PTPN11: variants seen among roughly 807,000 people sequenced by gnomAD.
PTPN11 encodes the protein protein tyrosine phosphatase non-receptor type 11, also known as tyrosine-protein phosphatase non-receptor type 11.
In PTPN11, 6 loss-of-function variants were observed where a neutral mutation model predicts 78.8. The observed-to-expected ratio is 0.08, with a 90% CI of 0.04 to 0.15. The LOEUF (loss-of-function observed/expected upper bound fraction) is 0.15. PTPN11 is among the 10% of genes least tolerant of loss of function. The pLI, the probability that PTPN11 is intolerant of heterozygous loss-of-function variation, is 1.00. For synonymous variants in PTPN11, 221 were observed against 263.5 expected, an observed-to-expected ratio of 0.84 and a Z score of 1.56; for missense variants, 386 against 744.8, an observed-to-expected ratio of 0.52 and a Z score of 5.61.
In PTPN11 at chr12:112,442,833, TA is replaced by T. The variant is rs1566162563; in HGVS notation, c.15-3442del. On this transcript the variant is annotated intron_variant, in intron 1 of 15. Coordinates refer to ENST00000351677, the MANE Select transcript of PTPN11 (RefSeq NM_002834.5). ...TCTCCTCTCTCTCTCTCTCTTTTTA[TA>T]TATATATATATATATATATATATAT... 1.7e-3 allele frequency among the ~76,000 whole-genome samples: 29 copies of T among 17,004 alleles called. No individual in the cohort carries two copies. In the African/African-American group the frequency reaches 0.017, roughly 10 times the overall value. The allele number at this position is 17,004 out of a possible 152,430, so 11.2% of individuals were successfully genotyped here. A position where few individuals can be genotyped will look rare whatever the true frequency, so the allele number is the denominator to read the frequency against.
intron 2 of PTPN11, among the ~76,000 whole-genome samples, chr12:112,448,880 T>TAAAA: frequency 6.6e-6 from 1 of 152,150 alleles, no homozygotes; most frequent in South Asian, 2.1e-4. Context: ...CATGTGTCTT[T>TAAAA]TTATTTTTAT....
At chr12:112,425,010 A>AATTGTGTGTGTG (rs2037593529) in intron 1 of PTPN11, among the ~76,000 whole-genome samples, 1 of 76,914 alleles carries the variant, frequency 1.3e-5, no homozygotes, top group African/African-American at 5.4e-5. Context: ...GTGTGTGTGT[A>AATTGTGTGTGTG]TGTAGAGATG....
intron 1 of PTPN11, among the ~76,000 whole-genome samples, chr12:112,425,575 G>A (rs1171383647): frequency 6.6e-6 from 1 of 152,172 alleles, no homozygotes; most frequent in Non-Finnish European, 1.5e-5. Context: ...GGTTACAAGT[G>A]CAGTTTTATT....
At chr12:112,453,646 G>GTTTTTTTTTT (rs376601242) in intron 4 of PTPN11, among the ~76,000 whole-genome samples, 1 of 116,574 alleles carries the variant, frequency 8.6e-6, no homozygotes, top group Non-Finnish European at 1.9e-5. Flanking sequence ...CAGATTTTCT[G>GTTTTTTTTTT]TTTTTTTTTT....
rs2038614646 is a variant in PTPN11 at position 112,482,640 on chromosome 12, C to A, written c.1224+435C>A. Among the ~76,000 whole-genome samples the A allele has an allele frequency of 6.6e-6, 1 of 152,142 alleles. No individual in the cohort carries two copies. The highest frequency in any genetic ancestry group is 2.1e-4 in the South Asian group (1 of 4,832). The stretch of plus-strand genomic sequence containing the variant: ...GTTGATGGCCTCCTCTCCAAGTATC[C>A]ACAGACTTCAGCAGTTGTTCTTTTT... On this transcript the variant is annotated intron_variant, in intron 10 of 15. Coordinates refer to ENST00000351677, the MANE Select transcript of PTPN11 (RefSeq NM_002834.5). The surrounding 1 kb of genome is among the most constrained non-coding windows in gnomAD (Gnocchi z 4.4).
intron 12 of PTPN11, 31 bp from the exon 13 acceptor site, chr12:112,488,993 C>T (rs2135915925): frequency 6.2e-7 from 1 of 1,612,156 alleles, no homozygotes; most frequent in African/African-American, 1.3e-5. Context: ...TCTGCAGTTT[C>T]TCTTTATTCT....
chr12:112,420,224 C>T (rs1393613643), intron 1 of PTPN11, among the ~76,000 whole-genome samples: 1 of 152,188 alleles, frequency 6.6e-6, no homozygotes, highest in East Asian at 1.9e-4. Context: ...ACTCTATATA[C>T]CACTCACACT....
chr12:112,449,271 G>A (rs2038042765), intron 2 of PTPN11, among the ~76,000 whole-genome samples: 1 of 151,440 alleles, frequency 6.6e-6, no homozygotes, highest in Non-Finnish European at 1.5e-5. Context: ...GGGAGGCCAA[G>A]GCAGGCGGCG....
chr12:112,433,104 G>C (rs1053273591), intron 1 of PTPN11, among the ~76,000 whole-genome samples: 1 of 151,998 alleles, frequency 6.6e-6, no homozygotes, highest in Non-Finnish European at 1.5e-5. Flanking sequence ...CAAGTGATCC[G>C]CCTGCCTCAG....
At chr12:112,485,523 GAA>G (rs1341275894) in intron 10 of PTPN11, among the ~76,000 whole-genome samples, 4 of 152,176 alleles carry the variant, frequency 2.6e-5, no homozygotes, top group African/African-American at 4.8e-5. Context: ...ATGATAGAGA[GAA>G]AGAGATTATT....
intron 3 of PTPN11, among the ~76,000 whole-genome samples, chr12:112,451,705 A>G (rs1213417055): frequency 2.0e-5 from 3 of 152,238 alleles, no homozygotes; most frequent in African/African-American, 4.8e-5. Context: ...CACCCAGGAT[A>G]TAGTCCAAAG....
At chr12:112,470,145 C>T (rs2038392834) in intron 6 of PTPN11, among the ~76,000 whole-genome samples, 1 of 152,112 alleles carries the variant, frequency 6.6e-6, no homozygotes, top group Non-Finnish European at 1.5e-5. Flanking sequence ...TGGTCTTGAC[C>T]TCCTGTCCTC....
In PTPN11 at chr12:112,418,976, G is replaced by T; in HGVS notation, c.-136G>T. On this transcript the variant is annotated 5_prime_UTR_variant, in exon 1 of 16. Transcript: ENST00000351677. Reference sequence around the variant, plus strand: ...TCCGGGATCCCCAGGCCTGGAGGGGGGTCTGTGCGCGGCCGGCTGGCTCTG... The same window carrying T: ...TCCGGGATCCCCAGGCCTGGAGGGGTGTCTGTGCGCGGCCGGCTGGCTCTG... The T allele has an allele frequency of 1.9e-6, 2 of 1,064,968 alleles. No homozygotes were observed. The highest frequency in any genetic ancestry group is 2.7e-6 in the Non-Finnish European group (2 of 729,090). 66.0% of individuals were successfully genotyped at this position (1,064,968 alleles called of 1,614,324 possible). A position where few individuals can be genotyped will look rare whatever the true frequency, so the allele number is the denominator to read the frequency against.
rs980779347 is a variant in PTPN11 at position 112,506,430 on chromosome 12, G to A, written c.*638G>A. ...GGATATTTATGAATTAAGGTAAGAG[G>A]TGTGGCTTTTTTTTTTTTCTTTTTT... On this transcript the variant is annotated 3_prime_UTR_variant, in exon 16 of 16. Coordinates refer to ENST00000351677, the MANE Select transcript of PTPN11 (RefSeq NM_002834.5). 1 of 151,578 alleles carries A rather than the reference G, an allele frequency of 6.6e-6. No individual in the cohort carries two copies. The highest frequency in any genetic ancestry group is 2.4e-5 in the African/African-American group (1 of 41,314). 9.4% of individuals were successfully genotyped at this position (151,578 alleles called of 1,614,324 possible).
At chr12:112,489,284 C>A in intron 13 of PTPN11, 109 bp downstream of exon 13, 1 of 1,338,736 alleles carries the variant, frequency 7.5e-7, no homozygotes, top group Non-Finnish European at 1.1e-6. Context: ...TGTTTGATTT[C>A]GGAATGGGAA....
In PTPN11 at chr12:112,507,477, C is replaced by G. The variant is rs1046226446; in HGVS notation, c.*1685C>G. 1.3e-5 allele frequency: 2 copies of G among 152,792 alleles called. No homozygotes were observed. Among genetic ancestry groups the G allele is most frequent in the African/African-American group, 4.8e-5 (2 of 41,468 alleles). The allele number at this position is 152,792 out of a possible 1,614,324, so 9.5% of individuals were successfully genotyped here. A position where few individuals can be genotyped will look rare whatever the true frequency, so the allele number is the denominator to read the frequency against. On this transcript the variant is annotated 3_prime_UTR_variant, in exon 16 of 16. Coordinates refer to ENST00000351677, the MANE Select transcript of PTPN11 (RefSeq NM_002834.5). ...GAGAAGGAACAGCCCTAACAGGCCT[C>G]CAGCCAGGTTGAATGAGCTCATTTT...
intron 13 of PTPN11, 138 bp from the exon 14 acceptor site, chr12:112,502,006 T>C: frequency 4.3e-6 from 3 of 696,632 alleles, no homozygotes; most frequent in Admixed American, 4.3e-5. Flanking sequence ...TTGGTCAATG[T>C]ATCAGTATTC....
At chr12:112,455,111 C>T (rs1467044017) in intron 5 of PTPN11, among the ~76,000 whole-genome samples, 2 of 152,018 alleles carry the variant, frequency 1.3e-5, no homozygotes, top group Admixed American at 6.6e-5. Context: ...TGAGCTACCA[C>T]GCCCGGCCCT....
At chr12:112,473,725 T>C (rs2038455005) in intron 7 of PTPN11, among the ~76,000 whole-genome samples, 1 of 151,734 alleles carries the variant, frequency 6.6e-6, no homozygotes, top group African/African-American at 2.4e-5. Flanking sequence ...TGTGCGCCTG[T>C]AATCCCAGCT....
Sources: allele counts gnomAD v4.1 joint callset (sites outside exome capture counted in the v4.1 genomes callset), GRCh38; gene constraint gnomAD v4.1.1; non-coding constraint Gnocchi (gnomAD v3.1); transcripts MANE v1.5; gene names NCBI Gene and HGNC (gene_info 2026-07-23, HGNC 2026-07-21).